The following RBFOX1 variants were observed in gnomAD, a reference collection of about 807,000 sequenced individuals.
RBFOX1 encodes the protein RNA binding fox-1 homolog 1.
RBFOX1 carries 8 observed loss-of-function variants against 57.7 expected under a neutral mutation model. The ratio of observed to expected loss-of-function variants is 0.14; its 90% CI spans 0.08 to 0.25. The LOEUF (loss-of-function observed/expected upper bound fraction) is 0.25. RBFOX1 is among the 10% of genes least tolerant of loss of function. The pLI, the probability that RBFOX1 is intolerant of heterozygous loss-of-function variation, is 1.00. For missense variants in RBFOX1, 611 were observed against 548.5 expected (o/e 1.11, Z -1.14); for synonymous variants, 326 against 222.4 (o/e 1.47, Z -4.15).
At chr16:7,497,371 A>G (rs1380753604) in intron 4 of RBFOX1, among the ~76,000 whole-genome samples, 1 of 152,016 alleles carries the variant, frequency 6.6e-6, no homozygotes, top group Non-Finnish European at 1.5e-5. Flanking sequence ...TCTCCTCAAG[A>G]TTCCTCTCAA....
At chr16:6,509,899 A>G (rs2096213722) in intron 2 of RBFOX1, among the ~76,000 whole-genome samples, 1 of 152,220 alleles carries the variant, frequency 6.6e-6, no homozygotes, top group African/African-American at 2.4e-5. Context: ...GAGATGTAAA[A>G]TAAACTATAT....
At chr16:6,093,925 A>T (rs2096211499) in intron 1 of RBFOX1, among the ~76,000 whole-genome samples, 1 of 151,888 alleles carries the variant, frequency 6.6e-6, no homozygotes, top group South Asian at 2.1e-4. Flanking sequence ...CTGCCTGTAT[A>T]TTGTTTGAGA....
rs137874315 is a variant in RBFOX1, at chr16:7,063,773, A to T, written c.27+11675A>T. Among the ~76,000 whole-genome samples the T allele has an allele frequency of 4.6e-4, 70 of 152,328 alleles. No individual in the cohort carries two copies. In the Middle Eastern group the frequency reaches 0.01, roughly 22 times the overall value. ...CAGACTTTTTGTCATCATTCCCTAA[A>T]CATTCTGGATAATAACTGCTTACAT... On this transcript the variant is annotated intron_variant, in intron 4 of 15. Coordinates refer to ENST00000550418, the MANE Select transcript of RBFOX1 (RefSeq NM_018723.4).
At chr16:6,718,463 G>A (rs2065273856) in intron 3 of RBFOX1, among the ~76,000 whole-genome samples, 1 of 151,904 alleles carries the variant, frequency 6.6e-6, no homozygotes, top group South Asian at 2.1e-4. Context: ...TGATGATGGT[G>A]ATAGGTGTTC....
At chr16:7,052,247 G>C (rs548009375) in intron 4 of RBFOX1, 149 bp downstream of exon 4, 20 of 1,274,268 alleles carry the variant, frequency 1.6e-5, no homozygotes, top group Admixed American at 6.1e-5. Context: ...AGCTTATTTA[G>C]TATTGATTGA....
rs74006232 is a variant in RBFOX1, at chr16:5,723,023, G to T, written c.318+124062G>T. On this transcript the variant is annotated intron_variant, in intron 3 of 19. Coordinates refer to the RBFOX1 transcript ENST00000641259. ...TAGGGCACATAAGGCTCTCAGTTGT[G>T]GTGGTGCCACAAATCCATCACAAAC... is the stretch of plus-strand genomic sequence containing the variant. Among the ~76,000 whole-genome samples, 965 of 152,280 alleles carry T rather than the reference G, an allele frequency of 6.3e-3. 11 individuals are homozygous for T. Among genetic ancestry groups the T allele is most frequent in the African/African-American group, 0.021 (886 of 41,550 alleles).
rs1259902039 is a variant in RBFOX1, at chr16:5,377,441, G to C, written c.220-89775G>C. Among the ~76,000 whole-genome samples, 5 of 151,290 alleles carry C rather than the reference G, an allele frequency of 3.3e-5. 1 individual carries two copies. Among genetic ancestry groups the C allele is most frequent in the African/African-American group, 1.2e-4 (5 of 40,594 alleles). On this transcript the variant is annotated intron_variant, in intron 1 of 2. Transcript: ENST00000585867. ...GAAAAGTGTTTGAGCAGAGGGAACA[G>C]AAAGTGCAAAGGCTGTTAGAGTTTG...
chr16:6,640,802 C>G (rs557097572), intron 2 of RBFOX1, among the ~76,000 whole-genome samples: 22 of 152,200 alleles, frequency 1.4e-4, no homozygotes, highest in African/African-American at 4.8e-4. Flanking sequence ...AACCAGAATA[C>G]GTTCTCTGGG....
intron 3 of RBFOX1, among the ~76,000 whole-genome samples, chr16:6,804,038 G>A (rs1017242877): frequency 2.6e-5 from 4 of 151,102 alleles, no homozygotes; most frequent in African/African-American, 9.8e-5. Context: ...ATGGAGTCTT[G>A]CACTGTCACC....
chr16:7,561,327 T>G (rs1470331507), intron 5 of RBFOX1, among the ~76,000 whole-genome samples: 1 of 152,216 alleles, frequency 6.6e-6, no homozygotes, highest in African/African-American at 2.4e-5. Flanking sequence ...TCTATGGCCC[T>G]TTAAAGAAAA....
intron 4 of RBFOX1, among the ~76,000 whole-genome samples, chr16:7,390,104 G>A (rs181673374): frequency 1.3e-5 from 2 of 152,068 alleles, no homozygotes; most frequent in African/African-American, 2.4e-5. Context: ...AAAACAGAGC[G>A]AGAAGGGAGA....
intron 2 of RBFOX1, among the ~76,000 whole-genome samples, chr16:6,429,617 G>T (rs1406337483): frequency 6.6e-6 from 1 of 152,170 alleles, no homozygotes; most frequent in African/African-American, 2.4e-5. Flanking sequence ...ATGTGTCAAG[G>T]GTGGGGCCAG....
At chr16:5,862,646 A>G (rs1276911684) in intron 3 of RBFOX1, among the ~76,000 whole-genome samples, 1 of 152,170 alleles carries the variant, frequency 6.6e-6, no homozygotes, top group Non-Finnish European at 1.5e-5. Context: ...ACTGCTTGCC[A>G]GGGAAGTAAT....
rs1461621694 is a variant in RBFOX1, at chr16:6,961,165, A to ACACACACACACACAC, written c.-15-90892_-15-90891insCACACACACACACAC. On this transcript the variant is annotated intron_variant, in intron 3 of 15. Coordinates refer to ENST00000550418, the MANE Select transcript of RBFOX1 (RefSeq NM_018723.4). ...CACACCCACACAGACACACACACGC[A>ACACACACACACACAC]AAAGAAAGAAAGAAAAAAGAAAAGA... Among the ~76,000 whole-genome samples the ACACACACACACACAC allele has an allele frequency of 1.7e-4, 26 of 150,672 alleles. 1 individual carries two copies. Among genetic ancestry groups the ACACACACACACACAC allele is most frequent in the South Asian group, 2.1e-4 (1 of 4,768 alleles).
intron 3 of RBFOX1, among the ~76,000 whole-genome samples, chr16:5,640,940 CCATGCATACACA>C (rs529836900): frequency 9.3e-4 from 141 of 151,072 alleles, no homozygotes; most frequent in Middle Eastern, 3.6e-3. Context: ...CTCATGCACA[CCATGCATACACA>C]CATGCATACA....
At chr16:6,143,528 A>G (rs906459705) in intron 1 of RBFOX1, among the ~76,000 whole-genome samples, 2 of 152,158 alleles carry the variant, frequency 1.3e-5, no homozygotes, top group Non-Finnish European at 1.5e-5. Flanking sequence ...TCCCTTTGCT[A>G]TTGAGAAGTG....
intron 2 of RBFOX1, among the ~76,000 whole-genome samples, chr16:6,344,115 G>T (rs2084958702): frequency 6.6e-6 from 1 of 152,110 alleles, no homozygotes; most frequent in Admixed American, 6.5e-5. Flanking sequence ...CAATGTCTAG[G>T]AGAGGCACTG....
intron 2 of RBFOX1, among the ~76,000 whole-genome samples, chr16:6,352,093 A>G (rs147831355): frequency 2.6e-5 from 4 of 152,318 alleles, no homozygotes; most frequent in Non-Finnish European, 5.9e-5. Flanking sequence ...TGGATAAGGT[A>G]CAATTGAGAG....
intron 1 of RBFOX1, among the ~76,000 whole-genome samples, chr16:5,344,648 G>C (rs2065102256): frequency 6.6e-6 from 1 of 152,124 alleles, no homozygotes; most frequent in South Asian, 2.1e-4. Context: ...TTTGTGGCAG[G>C]GGAAACCTGG....
Sources: gnomAD v4.1 joint callset for allele counts (sites outside exome capture counted in the v4.1 genomes callset) on GRCh38, gnomAD v4.1.1 for gene constraint, MANE v1.5 for transcripts, NCBI Gene and HGNC (gene_info 2026-07-23, HGNC 2026-07-21) for gene names.